The following RPE65 variants were observed in gnomAD, a reference collection of about 807,000 sequenced individuals.
RPE65 encodes retinoid isomerohydrolase RPE65.
In RPE65, 58 loss-of-function variants were observed where a neutral mutation model predicts 68.5. The ratio of observed to expected loss-of-function variants is 0.85; its 90% CI spans 0.69 to 1.05. The LOEUF (loss-of-function observed/expected upper bound fraction) is 1.05, where lower values mean the gene tolerates loss of function less well. RPE65 is among the 50% of genes least tolerant of loss of function. RPE65 has a pLI of 0.00. For missense variants in RPE65, 643 were observed against 629.9 expected (o/e 1.02, Z -0.22); for synonymous variants, 220 against 222.2 (o/e 0.99, Z 0.09).
At position 68,439,569 on chromosome 1, in the gene RPE65, G is replaced by GT. The variant is rs1645885777; in HGVS notation, c.716dup (p.Tyr239Ter). The change falls in exon 7 of 14, where the codon TAC becomes TAAC. Residue 239 changes from tyrosine to a stop codon, truncating the protein, a stop_gained and frameshift_variant. Transcript: ENST00000262340. LOFTEE classifies it high-confidence loss of function. Reference protein sequence around the residue: ...FPCSDRFKPSYVHSFGLTPNY... With the variant: ...FPCSDRFKPS Reference sequence around the variant, plus strand: ...GCAGGCCTTCAAGTTACCTATGAACGTAAGATGGCTTGAATCGGTCACTGC... The same window carrying GT: ...GCAGGCCTTCAAGTTACCTATGAACGTTAAGATGGCTTGAATCGGTCACTGC... 4 of 1,613,752 alleles carry GT rather than the reference G, an allele frequency of 2.5e-6. No homozygotes were observed. Among genetic ancestry groups the GT allele is most frequent in the Non-Finnish European group, 3.4e-6 (4 of 1,179,670 alleles).
intron 9 of RPE65, among the ~76,000 whole-genome samples, chr1:68,438,621 C>T (rs1474982436): frequency 6.6e-6 from 1 of 152,122 alleles, no homozygotes; most frequent in Admixed American, 6.6e-5. Context: ...GTCTGAAAAA[C>T]GCATGTCTTT....
In RPE65 at chr1:68,431,555, G is replaced by A. The variant is rs759019904; in HGVS notation, c.1159C>T (p.Pro387Ser). ...AGAATTGCAGTGGCAGTTGTATTGG[G>A]GAGCGTGACTAAATTCTTGCCTGTG... is the stretch of plus-strand genomic sequence containing the variant. ...ADTGKNLVTL[P>S]NTTATAILCS... Residue 387 changes from proline to serine, a missense_variant, in exon 11 of 14, where the codon CCC becomes TCC. By Grantham distance (74) the Pro-to-Ser change is moderately conservative. Transcript: ENST00000262340. 64 of 1,613,744 alleles carry A rather than the reference G, an allele frequency of 4.0e-5. No individual in the cohort carries two copies. The highest frequency in any genetic ancestry group is 5.2e-5 in the Non-Finnish European group (61 of 1,179,890).
chr1:68,446,564 T>G, intron 3 of RPE65, 146 bp downstream of exon 3: 1 of 918,800 alleles, frequency 1.1e-6, no homozygotes, highest in Non-Finnish European at 1.7e-6. Flanking sequence ...CTCGTATCCA[T>G]GCAGACACAC....
At chr1:68,438,743 G>T (rs1032041126) in intron 9 of RPE65, among the ~76,000 whole-genome samples, 199 bp downstream of exon 9, 1 of 152,114 alleles carries the variant, frequency 6.6e-6, no homozygotes, top group Non-Finnish European at 1.5e-5. Flanking sequence ...TCATGGACCC[G>T]ATTAGTTTTC....
chr1:68,446,623 G>A, intron 3 of RPE65, 87 bp downstream of exon 3: 1 of 1,541,876 alleles, frequency 6.5e-7, no homozygotes, highest in Non-Finnish European at 9.0e-7. Context: ...GTTGCCTCCT[G>A]AGTTCAGAGG....
intron 10 of RPE65, among the ~76,000 whole-genome samples, chr1:68,433,948 T>A (rs929634040): frequency 1.3e-5 from 2 of 151,934 alleles, no homozygotes; most frequent in South Asian, 4.1e-4. Flanking sequence ...GAGAAAGTAC[T>A]GTGTTCAATG....
chr1:68,430,311 C>G (rs1230213806), intron 13 of RPE65, among the ~76,000 whole-genome samples: 1 of 152,114 alleles, frequency 6.6e-6, no homozygotes, highest in Non-Finnish European at 1.5e-5. Context: ...GTGATGATCA[C>G]ATGAAAAGTG....
rs1645807629 is a variant in RPE65, at chr1:68,429,871, G to A, written c.1507C>T (p.Leu503=). 1 of 1,613,720 alleles carries A rather than the reference G, an allele frequency of 6.2e-7. No homozygotes were observed. The highest frequency in any genetic ancestry group is 1.3e-5 in the African/African-American group (1 of 74,908). ...CTTAAGTCCTTGGCATTCAGAATCA[G>A]GAGATAAGCAGGCTTTTGTCCTGCT... The part of the protein sequence containing the change: ...PGAGQKPAYL[L]ILNAKDLSEV... The change falls in exon 14 of 14, where the codon CTG becomes TTG. Residue 503 remains leucine (L), a synonymous_variant. Coordinates refer to ENST00000262340, the MANE Select transcript of RPE65 (RefSeq NM_000329.3).
intron 6 of RPE65, 112 bp downstream of exon 6, chr1:68,440,741 A>G: frequency 7.3e-7 from 1 of 1,378,426 alleles, no homozygotes; most frequent in Middle Eastern, 2.5e-4. Flanking sequence ...GTCTGAGAGT[A>G]ATTTAACTAT....
At chr1:68,446,546 A>G (rs1645944371) in intron 3 of RPE65, among the ~76,000 whole-genome samples, 164 bp downstream of exon 3, 1 of 152,142 alleles carries the variant, frequency 6.6e-6, no homozygotes, top group Admixed American at 6.5e-5. Flanking sequence ...ATTCCATGAT[A>G]ATGTTCCCTC....
chr1:68,449,772 A>G, intron 1 of RPE65, 123 bp downstream of exon 1: 1 of 1,212,628 alleles, frequency 8.2e-7, no homozygotes. Flanking sequence ...TTTCCCCACC[A>G]AAATTCAAGG....
intron 3 of RPE65, among the ~76,000 whole-genome samples, chr1:68,446,058 A>G (rs1401356492): frequency 6.6e-6 from 1 of 152,072 alleles, no homozygotes; most frequent in Admixed American, 6.6e-5. Context: ...AAAGCAGAAG[A>G]CAAAGTATTT....
chr1:68,443,551 T>C (rs1485885299), intron 5 of RPE65, among the ~76,000 whole-genome samples: 2 of 152,224 alleles, frequency 1.3e-5, no homozygotes, highest in African/African-American at 4.8e-5. Flanking sequence ...CTAAATTCAC[T>C]GAAATCATCC....
chr1:68,449,830 T>G, intron 1 of RPE65, 65 bp downstream of exon 1: 1 of 1,577,664 alleles, frequency 6.3e-7, no homozygotes, highest in African/African-American at 1.3e-5. Context: ...TCAGGAGCCC[T>G]TGAAATAGCA....
Position 68,449,932 on chromosome 1 carries a change from C to T in RPE65, c.-27G>A. The T allele has an allele frequency of 6.2e-7, 1 of 1,613,982 alleles. No homozygotes were observed. Among genetic ancestry groups the T allele is most frequent in the Non-Finnish European group, 8.5e-7 (1 of 1,179,888 alleles). Reference sequence around the variant, plus strand: ...TTCTTCCAGTTCAGGATCCAGAGTTCTGGCACCAACTGCAGAATGAAGAAG... The same window carrying T: ...TTCTTCCAGTTCAGGATCCAGAGTTTTGGCACCAACTGCAGAATGAAGAAG... On this transcript the variant is annotated 5_prime_UTR_variant, in exon 1 of 14. Coordinates refer to ENST00000262340, the MANE Select transcript of RPE65 (RefSeq NM_000329.3).
At chr1:68,445,987 G>A (rs1423228372) in intron 3 of RPE65, among the ~76,000 whole-genome samples, 1 of 151,698 alleles carries the variant, frequency 6.6e-6, no homozygotes, top group African/African-American at 2.4e-5. Flanking sequence ...TTCTTTACAG[G>A]TCTTTTCAAA....
rs762755850 is a variant in RPE65, at chr1:68,438,299, T to C, written c.1016A>G (p.Asn339Ser). The C allele has an allele frequency of 1.2e-6, 2 of 1,613,526 alleles. No individual in the cohort carries two copies. Among genetic ancestry groups the C allele is most frequent in the African/African-American group, 1.3e-5 (1 of 75,012 alleles). Residue 339 changes from asparagine to serine, a missense_variant, in exon 10 of 14, where the codon AAT becomes AGT. Transcript: ENST00000262340. ...ACGTAAATTGGCTAAATATAAGTAA[T>C]TATAAACAAACTCAAATCTGCAAAA... ...CCWKGFEFVY[N>S]YLYLANLREN... is the part of the protein sequence containing the mutation.
At chr1:68,448,935 G>T (rs946540163) in intron 1 of RPE65, among the ~76,000 whole-genome samples, 7 of 151,612 alleles carry the variant, frequency 4.6e-5, no homozygotes, top group African/African-American at 1.7e-4. Context: ...ATGGAAGGGG[G>T]TCCCAGATCA....
chr1:68,438,030 C>T (rs1285283155), intron 10 of RPE65, among the ~76,000 whole-genome samples, 157 bp downstream of exon 10: 1 of 152,132 alleles, frequency 6.6e-6, no homozygotes, highest in Non-Finnish European at 1.5e-5. Flanking sequence ...GCTTTAGTTT[C>T]ATTTGTAAAA....
Sources: allele counts gnomAD v4.1 joint callset (sites outside exome capture counted in the v4.1 genomes callset), GRCh38; gene constraint gnomAD v4.1.1; transcripts MANE v1.5; gene names NCBI Gene and HGNC (gene_info 2026-07-23, HGNC 2026-07-21).